Variants in HSD17B12 observed in about 807,000 individuals in gnomAD.
The protein encoded by HSD17B12 is hydroxysteroid 17-beta dehydrogenase 12, also known as very-long-chain 3-oxoacyl-CoA reductase.
A neutral mutation model predicts 39.3 loss-of-function variants in HSD17B12; 32 were observed. That is an observed-to-expected ratio of 0.81 (90% CI 0.61 to 1.09). The LOEUF (loss-of-function observed/expected upper bound fraction) is 1.09, where lower values mean the gene tolerates loss of function less well. Among genes scored for constraint, HSD17B12 ranks in the 50% least tolerant of loss-of-function variants. The pLI, the probability that HSD17B12 is intolerant of heterozygous loss-of-function variation, is 0.00. For missense variants in HSD17B12, 342 were observed against 382.9 expected (o/e 0.89, Z 0.89); for synonymous variants, 150 against 146.7 (o/e 1.02, Z -0.16).
At chr11:43,587,493 C>T in the HSD17B12 span, among the ~76,000 whole-genome samples, 8 of 151,794 alleles carry the variant, frequency 5.3e-5, no homozygotes, top group African/African-American at 1.9e-4. Flanking sequence ...CTTTTTTTTC[C>T]CCCATTAGCA....
the HSD17B12 span, among the ~76,000 whole-genome samples, chr11:43,586,257 T>G: frequency 0.011 from 1,686 of 152,338 alleles, 14 homozygotes; most frequent in Non-Finnish European, 0.018. Flanking sequence ...CAATTAGCAT[T>G]CTGGGGGCAT....
At chr11:43,593,029 C>G in the HSD17B12 span, among the ~76,000 whole-genome samples, 1 of 152,148 alleles carries the variant, frequency 6.6e-6, no homozygotes, top group Non-Finnish European at 1.5e-5. Flanking sequence ...AACATCTTAG[C>G]TTAGTGATGT....
chr11:43,695,006 T>C (rs1949897086), intron 1 of HSD17B12, among the ~76,000 whole-genome samples: 1 of 151,970 alleles, frequency 6.6e-6, no homozygotes, highest in African/African-American at 2.4e-5. Context: ...GTAGAGATGG[T>C]GAAACCCCAT....
chr11:43,762,526 G>C (rs774222512), intron 3 of HSD17B12, among the ~76,000 whole-genome samples: 1 of 152,194 alleles, frequency 6.6e-6, no homozygotes, highest in Non-Finnish European at 1.5e-5. Context: ...TTTATGGCCG[G>C]GGCCCTTAGA....
At chr11:43,805,787 GC>G (rs35618908) in intron 4 of HSD17B12, among the ~76,000 whole-genome samples, 2 of 152,048 alleles carry the variant, frequency 1.3e-5, no homozygotes, top group African/African-American at 2.4e-5. Flanking sequence ...CAGGAACACA[GC>G]CCCCCAAAAA....
At chr11:43,698,661 G>A (rs1949934850) in intron 1 of HSD17B12, among the ~76,000 whole-genome samples, 2 of 152,150 alleles carry the variant, frequency 1.3e-5, no homozygotes, top group African/African-American at 4.8e-5. Context: ...TATCAAATGT[G>A]TTCAAAAATC....
At chr11:43,659,425 A>C in the HSD17B12 span, among the ~76,000 whole-genome samples, 2 of 152,190 alleles carry the variant, frequency 1.3e-5, no homozygotes, top group Non-Finnish European at 2.9e-5. Context: ...GGCACTCCCC[A>C]GTGAGATGAA....
intron 3 of HSD17B12, among the ~76,000 whole-genome samples, chr11:43,796,973 A>C (rs905412542): frequency 2.6e-5 from 4 of 152,144 alleles, no homozygotes; most frequent in Admixed American, 6.6e-5. Flanking sequence ...TCTGTCTCTA[A>C]CTTCCCATTA....
chr11:43,672,034 G>A, the HSD17B12 span, among the ~76,000 whole-genome samples: 2 of 152,074 alleles, frequency 1.3e-5, no homozygotes, highest in Non-Finnish European at 2.9e-5. Context: ...AGTAGAAAGA[G>A]CCCTTCTTAT....
At chr11:43,608,444 C>T in the HSD17B12 span, among the ~76,000 whole-genome samples, 1 of 151,570 alleles carries the variant, frequency 6.6e-6, no homozygotes, top group African/African-American at 2.4e-5. Flanking sequence ...CTAGAAAGTA[C>T]ACTTAATCAA....
At chr11:43,828,713 C>G (rs1410385499) in intron 6 of HSD17B12, among the ~76,000 whole-genome samples, 1 of 152,070 alleles carries the variant, frequency 6.6e-6, no homozygotes, top group Non-Finnish European at 1.5e-5. Flanking sequence ...AAATGGAGTT[C>G]AGATAGATAG....
intron 3 of HSD17B12, among the ~76,000 whole-genome samples, chr11:43,771,407 A>G (rs1391555271): frequency 6.6e-6 from 1 of 150,694 alleles, no homozygotes. Context: ...GAGCACATAT[A>G]TACATTATAT....
At chr11:43,585,709 C>A in the HSD17B12 span, among the ~76,000 whole-genome samples, 4 of 152,106 alleles carry the variant, frequency 2.6e-5, no homozygotes, top group Non-Finnish European at 5.9e-5. Flanking sequence ...AATATAAGGA[C>A]CTGAAGTCTG....
Position 43,680,819 on chromosome 11 carries a change from T to C in HSD17B12, c.-9T>C, listed in dbSNP as rs780076173. On this transcript the variant is annotated 5_prime_UTR_variant, in exon 1 of 11. Transcript: ENST00000278353. The stretch of plus-strand genomic sequence containing the variant: ...CATTCACGAAGGTAGTGAGGCCTAG[T>C]GGAAAGCCATGGAGAGCGCTCTCCC... 1 of 1,613,004 alleles carries C rather than the reference T, an allele frequency of 6.2e-7. No individual in the cohort carries two copies. The highest frequency in any genetic ancestry group is 1.1e-5 in the South Asian group (1 of 91,044).
chr11:43,788,121 G>A (rs1950832919), intron 3 of HSD17B12, among the ~76,000 whole-genome samples: 1 of 151,740 alleles, frequency 6.6e-6, no homozygotes, highest in South Asian at 2.1e-4. Flanking sequence ...AGTATGGTGG[G>A]TTACAAGAAT....
At chr11:43,714,941 A>G (rs1192628604) in intron 1 of HSD17B12, among the ~76,000 whole-genome samples, 3 of 152,150 alleles carry the variant, frequency 2.0e-5, no homozygotes, top group Non-Finnish European at 2.9e-5. Context: ...TTATTGGTGT[A>G]TAAGAATGCT....
At chr11:43,576,461 A>G in the HSD17B12 span, 5 of 152,166 alleles carry the variant, frequency 3.3e-5, no homozygotes, top group African/African-American at 1.2e-4. Flanking sequence ...GCGCGGGTGG[A>G]AGAAAACCTG....
At chr11:43,583,065 CTT>C in the HSD17B12 span, among the ~76,000 whole-genome samples, 4 of 152,216 alleles carry the variant, frequency 2.6e-5, no homozygotes, top group Non-Finnish European at 5.9e-5. Context: ...TTCAGCTCCT[CTT>C]TTGTCTTTTG....
chr11:43,581,549 A>T, the HSD17B12 span: 2 of 435,740 alleles, frequency 4.6e-6, no homozygotes, highest in South Asian at 3.2e-5. The surrounding 1 kb of genome is among the most constrained non-coding windows in gnomAD (Gnocchi z 4.9). Flanking sequence ...AAGCTGCTCC[A>T]TCCGAGCCTT....
Sources: allele counts gnomAD v4.1 joint callset (sites outside exome capture counted in the v4.1 genomes callset), GRCh38; gene constraint gnomAD v4.1.1; non-coding constraint Gnocchi (gnomAD v3.1); transcripts MANE v1.5; gene names NCBI Gene and HGNC (gene_info 2026-07-23, HGNC 2026-07-21).